DMD: variants seen among roughly 807,000 people sequenced by gnomAD.
The protein encoded by DMD is dystrophin.
A neutral mutation model predicts 330.1 loss-of-function variants in DMD; 63 were observed. The ratio of observed to expected loss-of-function variants is 0.19; its 90% CI spans 0.16 to 0.24. The LOEUF (loss-of-function observed/expected upper bound fraction) is 0.24, where lower values mean the gene tolerates loss of function less well. DMD is among the 10% of genes least tolerant of loss of function. The probability of loss-of-function intolerance (pLI) is 1.00; values close to 1 mark genes in which losing one functional copy is unlikely to be tolerated. For synonymous variants in DMD, 1,223 were observed against 959.8 expected, an observed-to-expected ratio of 1.27 and a Z score of -5.07; for missense variants, 3,344 against 2,684.1, an observed-to-expected ratio of 1.25 and a Z score of -5.43.
At chrX:31,372,881 T>C (rs2059669576) in intron 60 of DMD, among the ~76,000 whole-genome samples, 1 of 111,458 alleles carries the variant, frequency 9.0e-6, no homozygotes, top group African/African-American at 3.3e-5. Flanking sequence ...GGAAGTCAAA[T>C]TGTCCCTGTT....
intron 26 of DMD, among the ~76,000 whole-genome samples, chrX:32,450,106 A>T (rs745531813): frequency 9.0e-6 from 1 of 111,037 alleles, no homozygotes; most frequent in East Asian, 2.9e-4. Flanking sequence ...CAAGCCTACC[A>T]CACAAGTGCA....
Position 31,121,318 on chromosome X carries a change from G to A in DMD, c.*601C>T. On this transcript the variant is annotated 3_prime_UTR_variant, in exon 79 of 79. Coordinates refer to ENST00000357033, the MANE Select transcript of DMD (RefSeq NM_004006.3). ...GAGCAGTGTGTAGTAGTCATTTGGT[G>A]TGGTGGTAGAGGAAGTCTTATCTTT... 8.4e-6 allele frequency: 1 copy of A among 119,265 alleles called. No homozygotes were observed. Among genetic ancestry groups the A allele is most frequent in the East Asian group, 2.7e-4 (1 of 3,750 alleles). 9.8% of individuals were successfully genotyped at this position (119,265 alleles called of 1,213,427 possible).
At chrX:31,377,308 C>T (rs2059932311) in intron 60 of DMD, among the ~76,000 whole-genome samples, 1 of 111,717 alleles carries the variant, frequency 9.0e-6, no homozygotes, top group African/African-American at 3.3e-5. Flanking sequence ...AACTTCAGCT[C>T]AATGCAAGAG....
At chrX:32,948,905 C>A (rs2091003928) in intron 2 of DMD, among the ~76,000 whole-genome samples, 1 of 111,425 alleles carries the variant, frequency 9.0e-6, no homozygotes, top group Admixed American at 9.6e-5. Flanking sequence ...GTGATTGTCT[C>A]AATTTTAGAG....
chrX:33,094,154 A>C (rs1007953235), intron 1 of DMD, among the ~76,000 whole-genome samples: 2 of 111,365 alleles, frequency 1.8e-5, no homozygotes, highest in African/African-American at 6.5e-5. Flanking sequence ...AGAAGGATTA[A>C]TCATATGACT....
chrX:31,905,836 A>C (rs2094472331), intron 47 of DMD, among the ~76,000 whole-genome samples: 1 of 112,510 alleles, frequency 8.9e-6, no homozygotes, highest in African/African-American at 3.2e-5. Flanking sequence ...GACGAATAAT[A>C]GTTCTATTCC....
intron 34 of DMD, among the ~76,000 whole-genome samples, chrX:32,368,075 C>T (rs1011532214): frequency 6.3e-5 from 7 of 111,399 alleles, no homozygotes; most frequent in African/African-American, 2.3e-4. Context: ...AAAGATATGA[C>T]TTAAGAAATA....
chrX:32,218,761 C>A (rs972304611), intron 43 of DMD, among the ~76,000 whole-genome samples: 1 of 111,480 alleles, frequency 9.0e-6, no homozygotes, highest in African/African-American at 3.3e-5. Context: ...AAACAGAGGC[C>A]AAGTAATTTG....
intron 20 of DMD, among the ~76,000 whole-genome samples, chrX:32,490,263 G>A (rs2042870028): frequency 9.0e-6 from 1 of 111,708 alleles, no homozygotes; most frequent in Non-Finnish European, 1.9e-5. Flanking sequence ...AAACGTTTTA[G>A]TCCATCCTCT....
chrX:32,539,584 T>C (rs946206146), intron 17 of DMD, among the ~76,000 whole-genome samples: 2 of 111,333 alleles, frequency 1.8e-5, no homozygotes, highest in Non-Finnish European at 3.8e-5. Context: ...TGGTATATTT[T>C]GCCATACAAC....
intron 44 of DMD, among the ~76,000 whole-genome samples, chrX:32,190,944 G>T (rs770399025): frequency 1.8e-5 from 2 of 109,498 alleles, no homozygotes; most frequent in East Asian, 2.9e-4. Context: ...TACCTCTCTT[G>T]TTGGGAAATA....
intron 42 of DMD, among the ~76,000 whole-genome samples, chrX:32,299,682 A>T (rs1325117959): frequency 1.8e-5 from 2 of 111,183 alleles, no homozygotes; most frequent in Non-Finnish European, 3.8e-5. Flanking sequence ...TGAGCAAGTC[A>T]CTTAACTGCT....
rs750338285 is a variant in DMD, at chrX:31,266,507, C to G, written c.9225-5491G>C. On this transcript the variant is annotated intron_variant, in intron 62 of 78. Coordinates refer to ENST00000357033, the MANE Select transcript of DMD (RefSeq NM_004006.3). ...AAAGCTCCCCCGGCCCCAATCCCCG[C>G]GTGAGGAACGCGTTATCCCCTCTGG... Among the ~76,000 whole-genome samples the G allele has an allele frequency of 1.5e-4, 17 of 112,718 alleles. No homozygotes were observed. In the East Asian group the frequency reaches 4.2e-3, roughly 28 times the overall value.
At chrX:32,732,771 A>G (rs1243647146) in intron 7 of DMD, among the ~76,000 whole-genome samples, 4 of 110,344 alleles carry the variant, frequency 3.6e-5, no homozygotes, top group Middle Eastern at 4.7e-3. Context: ...AGCGCTAAAC[A>G]TGGAAAGGAA....
chrX:31,820,848 TA>T (rs935222492), intron 49 of DMD, among the ~76,000 whole-genome samples: 3 of 111,984 alleles, frequency 2.7e-5, no homozygotes, highest in African/African-American at 9.7e-5. Flanking sequence ...TCAGGGTGTT[TA>T]AAAACACCTT....
intron 44 of DMD, among the ~76,000 whole-genome samples, chrX:31,992,936 T>C (rs1013953460): frequency 1.8e-5 from 2 of 111,925 alleles, no homozygotes; most frequent in African/African-American, 6.5e-5. Flanking sequence ...GGAATCAATA[T>C]GGCGGTACTT....
chrX:33,097,821 G>A (rs5927140), intron 1 of DMD, among the ~76,000 whole-genome samples: 47,159 of 106,969 alleles, frequency 0.44, 8,172 homozygotes, highest in Non-Finnish European at 0.51. Flanking sequence ...TCATCATGCT[G>A]GCCAGGCTGG....
At chrX:32,682,898 T>G (rs2062540629) in intron 9 of DMD, among the ~76,000 whole-genome samples, 1 of 111,728 alleles carries the variant, frequency 9.0e-6, no homozygotes, top group South Asian at 3.7e-4. Context: ...CTTTGCGGAG[T>G]GACTGGGAGT....
intron 57 of DMD, among the ~76,000 whole-genome samples, chrX:31,481,093 T>C (rs1458593956): frequency 8.9e-6 from 1 of 112,247 alleles, no homozygotes; most frequent in Non-Finnish European, 1.9e-5. Flanking sequence ...CCAGTGTTTC[T>C]AGAGCATAAA....
Sources: gnomAD v4.1 joint callset for allele counts (sites outside exome capture counted in the v4.1 genomes callset) on GRCh38, gnomAD v4.1.1 for gene constraint, MANE v1.5 for transcripts, NCBI Gene and HGNC (gene_info 2026-07-23, HGNC 2026-07-21) for gene names.